DOK6: variants seen among roughly 807,000 people sequenced by gnomAD.
DOK6 encodes downstream of tyrosine kinase 6.
DOK6 carries 22 observed loss-of-function variants against 44.0 expected under a neutral mutation model. That is an observed-to-expected ratio of 0.50 (90% CI 0.36 to 0.71). The LOEUF is 0.71. DOK6 is among the 30% of genes least tolerant of loss of function. The pLI is 0.00. For missense variants in DOK6, 340 were observed against 416.4 expected, an observed-to-expected ratio of 0.82 and a Z score of 1.60; for synonymous variants, 166 against 145.5, an observed-to-expected ratio of 1.14 and a Z score of -1.01.
At chr18:69,537,712 CATTT>C (rs1982160638) in intron 1 of DOK6, among the ~76,000 whole-genome samples, 1 of 152,132 alleles carries the variant, frequency 6.6e-6, no homozygotes, top group Non-Finnish European at 1.5e-5. Flanking sequence ...AATAAGGAAT[CATTT>C]ATGATCTTTG....
At chr18:69,673,685 A>T (rs1027014559) in intron 3 of DOK6, among the ~76,000 whole-genome samples, 2 of 152,230 alleles carry the variant, frequency 1.3e-5, no homozygotes, top group Non-Finnish European at 2.9e-5. Context: ...CCTTTTGGAA[A>T]TTACCAAATT....
chr18:69,675,491 A>T (rs1469073356), intron 3 of DOK6, among the ~76,000 whole-genome samples: 4 of 152,224 alleles, frequency 2.6e-5, no homozygotes, highest in Admixed American at 2.0e-4. Flanking sequence ...GTGACTTTAC[A>T]TTATTTTTAC....
intron 1 of DOK6, among the ~76,000 whole-genome samples, chr18:69,514,325 C>T (rs1469680192): frequency 2.0e-5 from 3 of 152,086 alleles, no homozygotes; most frequent in African/African-American, 7.2e-5. Context: ...CACTTTTCTC[C>T]TTTGCCATCC....
intron 3 of DOK6, among the ~76,000 whole-genome samples, chr18:69,599,716 CTGT>C (rs940266537): frequency 6.6e-6 from 1 of 152,160 alleles, no homozygotes; most frequent in African/African-American, 2.4e-5. Flanking sequence ...GGTGGTCTGC[CTGT>C]TGAGGTTTCC....
intron 1 of DOK6, among the ~76,000 whole-genome samples, chr18:69,507,156 T>C (rs1467109797): frequency 6.6e-6 from 1 of 151,992 alleles, no homozygotes. Context: ...GCCTCTCAAG[T>C]AGCTGAGACT....
intron 1 of DOK6, among the ~76,000 whole-genome samples, chr18:69,552,681 T>G (rs79411183): frequency 0.029 from 4,448 of 152,364 alleles, 75 homozygotes; most frequent in Middle Eastern, 0.045. Context: ...AGTTATTTTT[T>G]ATTTTGTCTT....
chr18:69,834,722 C>T lies in DOK6; in HGVS notation c.857-6522C>T, dbSNP rs143844743. 2.4e-3 allele frequency among the ~76,000 whole-genome samples: 371 copies of T among 152,254 alleles called. 3 individuals carry two copies. Among genetic ancestry groups the T allele is most frequent in the African/African-American group, 8.3e-3 (346 of 41,544 alleles). The stretch of plus-strand genomic sequence containing the variant: ...AGTAAGTTTATTTATTACAAGATGT[C>T]GTAGAGAGCCCTGGGTTGCTTCTAC... On this transcript the variant is annotated intron_variant, in intron 7 of 7. Coordinates refer to ENST00000382713, the MANE Select transcript of DOK6 (RefSeq NM_152721.6).
chr18:69,528,031 T>C (rs556161231), intron 1 of DOK6, among the ~76,000 whole-genome samples: 117 of 151,852 alleles, frequency 7.7e-4, no homozygotes, highest in Non-Finnish European at 1.4e-3. Flanking sequence ...GGCATGATGG[T>C]GGGTGCCTGT....
intron 3 of DOK6, among the ~76,000 whole-genome samples, chr18:69,623,857 G>A (rs1053960474): frequency 2.6e-5 from 4 of 152,152 alleles, no homozygotes; most frequent in Admixed American, 2.0e-4. Context: ...AATTGAGGGA[G>A]TATTACCCAG....
At chr18:69,617,432 AAGAG>A (rs923604795) in intron 3 of DOK6, among the ~76,000 whole-genome samples, 25 of 149,738 alleles carry the variant, frequency 1.7e-4, no homozygotes, top group African/African-American at 5.6e-4. Flanking sequence ...AAAAGAAAGA[AAGAG>A]GGAGGGAGAG....
intron 1 of DOK6, among the ~76,000 whole-genome samples, chr18:69,443,221 A>G (rs987166577): frequency 6.6e-6 from 1 of 152,172 alleles, no homozygotes; most frequent in Non-Finnish European, 1.5e-5. Context: ...GTATGACTAG[A>G]AAGATTTTAG....
chr18:69,758,836 A>T lies in DOK6; in HGVS notation c.856+963A>T, dbSNP rs1327930553. On this transcript the variant is annotated intron_variant, in intron 7 of 7. Transcript: ENST00000382713. ...TTCTTTCACACATTAGCTTTTGCTCACTATTAACAATGCTGTAAGTTTTGA... is the reference window on the plus strand; with the variant it reads ...TTCTTTCACACATTAGCTTTTGCTCTCTATTAACAATGCTGTAAGTTTTGA... 8.1e-4 allele frequency among the ~76,000 whole-genome samples: 124 copies of T among 152,216 alleles called. 1 individual carries two copies. Among genetic ancestry groups the T allele is most frequent in the Non-Finnish European group, 2.9e-5 (2 of 68,038 alleles).
chr18:69,690,109 T>C (rs1986232529), intron 4 of DOK6, among the ~76,000 whole-genome samples: 1 of 152,040 alleles, frequency 6.6e-6, no homozygotes, highest in South Asian at 2.1e-4. Context: ...TACTTGGAAA[T>C]GCAGATAAAA....
chr18:69,774,028 T>C (rs1979966820), intron 7 of DOK6, among the ~76,000 whole-genome samples: 1 of 146,830 alleles, frequency 6.8e-6, no homozygotes, highest in Non-Finnish European at 1.5e-5. Context: ...CATCAGTCAA[T>C]GAGTGGATAA....
chr18:69,824,014 T>C (rs1599345463), intron 7 of DOK6, among the ~76,000 whole-genome samples: 1 of 152,192 alleles, frequency 6.6e-6, no homozygotes, highest in South Asian at 2.1e-4. Flanking sequence ...GAAACTTACA[T>C]CAGACAGCCT....
At chr18:69,547,935 T>C (rs1568292893) in intron 1 of DOK6, among the ~76,000 whole-genome samples, 1 of 140,760 alleles carries the variant, frequency 7.1e-6, no homozygotes, top group Non-Finnish European at 1.6e-5. Flanking sequence ...ATATATAATA[T>C]ATATATAATA....
At chr18:69,537,347 T>C (rs1273002364) in intron 1 of DOK6, among the ~76,000 whole-genome samples, 1 of 152,176 alleles carries the variant, frequency 6.6e-6, no homozygotes, top group African/African-American at 2.4e-5. Flanking sequence ...TGTCAGGTGC[T>C]TCTCTTTGTC....
intron 1 of DOK6, among the ~76,000 whole-genome samples, chr18:69,560,807 A>C (rs1459865811): frequency 6.6e-6 from 1 of 152,140 alleles, no homozygotes; most frequent in African/African-American, 2.4e-5. Context: ...TTAAGGACAC[A>C]AGCTCAGAGA....
At chr18:69,813,627 T>C (rs1280145514) in intron 7 of DOK6, among the ~76,000 whole-genome samples, 1 of 152,146 alleles carries the variant, frequency 6.6e-6, no homozygotes. Flanking sequence ...CAAGCTGGGT[T>C]TCATCTTGGG....
Sources: allele counts gnomAD v4.1 joint callset (sites outside exome capture counted in the v4.1 genomes callset), GRCh38; gene constraint gnomAD v4.1.1; transcripts MANE v1.5; gene names NCBI Gene and HGNC (gene_info 2026-07-23, HGNC 2026-07-21).